The following NFATC1 variants were observed in gnomAD, a reference collection of about 807,000 sequenced individuals.
NFATC1 encodes nuclear factor of activated T-cells, cytoplasmic 1.
In NFATC1, 22 loss-of-function variants were observed where a neutral mutation model predicts 76.0. The ratio of observed to expected loss-of-function variants is 0.29; its 90% CI spans 0.21 to 0.41. The LOEUF is 0.41. NFATC1 is among the 10% of genes least tolerant of loss of function. The pLI is 1.00. For synonymous variants in NFATC1, 704 were observed against 613.1 expected (o/e 1.15, Z -2.19); for missense variants, 1,357 against 1,337.7 (o/e 1.01, Z -0.23).
intron 2 of NFATC1, among the ~76,000 whole-genome samples, chr18:79,417,485 C>G (rs1245983034): frequency 9.8e-4 from 11 of 11,216 alleles, no homozygotes; most frequent in African/African-American, 1.3e-3. Flanking sequence ...GATGGGAGAT[C>G]GGCTGTGGTG....
At chr18:79,504,080 TTC>T (rs1303524994) in intron 9 of NFATC1, among the ~76,000 whole-genome samples, 1 of 152,114 alleles carries the variant, frequency 6.6e-6, no homozygotes, top group Non-Finnish European at 1.5e-5. Flanking sequence ...CACTCGGACT[TTC>T]TCTGTATCAG....
intron 6 of NFATC1, among the ~76,000 whole-genome samples, chr18:79,456,178 G>A (rs367993690): frequency 9.2e-5 from 14 of 152,280 alleles, no homozygotes; most frequent in East Asian, 5.8e-4. Flanking sequence ...GAACTGTCAC[G>A]GAACCACCGT....
At chr18:79,527,439 G>C (rs1206385706) in intron 9 of NFATC1, 89 bp from the exon 10 acceptor site, 4 of 1,048,704 alleles carry the variant, frequency 3.8e-6, no homozygotes, top group Admixed American at 3.7e-5. Context: ...ACAGGCGTGA[G>C]CGTCACTGAT....
At chr18:79,513,196 G>A (rs561953520) in intron 9 of NFATC1, among the ~76,000 whole-genome samples, 11 of 152,344 alleles carry the variant, frequency 7.2e-5, no homozygotes, top group African/African-American at 2.4e-4. Flanking sequence ...GCTGATGCCC[G>A]CGGGTGGACT....
rs1341924275 is a variant in NFATC1, at chr18:79,486,745, T to C, written c.2590T>C (p.Cys864Arg). ...ATQEPTCLQP[C>R]SPACPPATGR... ...CCAAGAGCCGACCTGCCTGCAGCCC[T>C]GCAGCCCAGCGTGCCCGCCCGCCAC... is the stretch of plus-strand genomic sequence containing the variant. Residue 864 changes from cysteine to arginine, a missense_variant, in exon 9 of 10, where the codon TGC (cysteine) becomes CGC (arginine). Transcript: ENST00000427363. 6.2e-7 allele frequency: 1 copy of C among 1,601,912 alleles called. No individual in the cohort carries two copies. The highest frequency in any genetic ancestry group is 1.7e-5 in the Admixed American group (1 of 59,376).
chr18:79,410,876 C>A lies in NFATC1; in HGVS notation c.601C>A (p.Gln201Lys), dbSNP rs1472963163. 2 of 1,609,268 alleles carry A rather than the reference C, an allele frequency of 1.2e-6. No individual in the cohort carries two copies. The highest frequency in any genetic ancestry group is 2.7e-5 in the African/African-American group (2 of 75,016). The change falls in exon 2 of 10, where the codon CAG becomes AAG. Residue 201 changes from glutamine to lysine, a missense_variant. By Grantham distance (53) the Gln-to-Lys change is moderately conservative. This residue lies in a region of NFATC1 where 691 missense variants were observed against 613.1 expected (regional missense o/e 1.13). Coordinates refer to ENST00000427363, the MANE Select transcript of NFATC1 (RefSeq NM_001278669.2). The surrounding 1 kb of genome is among the most constrained non-coding windows in gnomAD (Gnocchi z 6.7). ...SNYSYPYASP[Q>K]TSPWQSPCVS... Reference sequence around the variant, plus strand: ...CTACTCGTACCCGTACGCGTCCCCCCAGACGTCGCCATGGCAGTCTCCCTG... The same window carrying A: ...CTACTCGTACCCGTACGCGTCCCCCAAGACGTCGCCATGGCAGTCTCCCTG...
chr18:79,474,951 G>T (rs1460217781), intron 8 of NFATC1, among the ~76,000 whole-genome samples: 1 of 126,248 alleles, frequency 7.9e-6, no homozygotes, highest in Non-Finnish European at 1.6e-5. Flanking sequence ...AGGGAAGCGT[G>T]TTCTCACGCT....
intron 9 of NFATC1, among the ~76,000 whole-genome samples, chr18:79,503,392 TA>T (rs1430369392): frequency 6.6e-6 from 1 of 152,170 alleles, no homozygotes; most frequent in Non-Finnish European, 1.5e-5. Flanking sequence ...GCAATGTGTC[TA>T]AAAAAACAGT....
At chr18:79,444,259 C>T (rs2087103456) in intron 3 of NFATC1, among the ~76,000 whole-genome samples, 1 of 152,100 alleles carries the variant, frequency 6.6e-6, no homozygotes, top group Non-Finnish European at 1.5e-5. Context: ...TGTGGCTGTG[C>T]GTGTGTGTGT....
intron 9 of NFATC1, among the ~76,000 whole-genome samples, chr18:79,508,877 T>C (rs901671073): frequency 6.6e-6 from 1 of 151,972 alleles, no homozygotes; most frequent in Non-Finnish European, 1.5e-5. Context: ...TGCCTCTCTG[T>C]CTCTCTCTCC....
intron 6 of NFATC1, among the ~76,000 whole-genome samples, chr18:79,452,451 G>A (rs570356151): frequency 2.0e-4 from 30 of 152,302 alleles, no homozygotes; most frequent in African/African-American, 3.6e-4. Flanking sequence ...TCCTGGGGCC[G>A]TCACGCCTGT....
Position 79,480,557 on chromosome 18 carries a change from C to G in NFATC1, c.2093-5691C>G, listed in dbSNP as rs151248457. Among the ~76,000 whole-genome samples the G allele has an allele frequency of 2.0e-5, 3 of 152,170 alleles. No individual in the cohort carries two copies. The East Asian group carries it at 5.8e-4, about 29-fold the overall frequency. On this transcript the variant is annotated intron_variant, in intron 8 of 9. Transcript: ENST00000427363. The stretch of plus-strand genomic sequence containing the variant: ...CCACCACCATCCTAGGTCAGGACTT[C>G]CCCAGGAAGAATCCAAGTGGCTGGA...
At chr18:79,456,057 G>T (rs1461144728) in intron 6 of NFATC1, among the ~76,000 whole-genome samples, 3 of 152,224 alleles carry the variant, frequency 2.0e-5, no homozygotes, top group African/African-American at 7.2e-5. Context: ...GACCGGTGTG[G>T]TTCCCAGGAC....
chr18:79,420,428 C>T (rs143079000), intron 2 of NFATC1, among the ~76,000 whole-genome samples: 79 of 144,226 alleles, frequency 5.5e-4, no homozygotes, highest in African/African-American at 1.8e-3. Flanking sequence ...AAGAGGGGGA[C>T]GCCTTTCCAG....
At position 79,396,282 on chromosome 18, in the gene NFATC1, G is replaced by C; in HGVS notation, c.58G>C (p.Val20Leu). Reference protein sequence around the residue: ...SKFPLGPAAAVFGRGETLGPA... With the variant: ...SKFPLGPAAALFGRGETLGPA... The stretch of plus-strand genomic sequence containing the variant: ...GTTTCCACTTGGCCCTGCGGCTGCG[G>C]TCTTCGGGAGAGGAGAAACTTTGGG... Residue 20 changes from valine (V) to leucine (L), a missense_variant, in exon 1 of 10, where the codon GTC becomes CTC. By Grantham distance (32) the Val-to-Leu change is conservative. Around this residue, in one of 3 missense-constraint regions of NFATC1, gnomAD observed 691 missense variants for 613.1 expected, o/e 1.13. Coordinates refer to ENST00000427363, the MANE Select transcript of NFATC1 (RefSeq NM_001278669.2). 1.4e-6 allele frequency: 2 copies of C among 1,462,788 alleles called. No homozygotes were observed. The highest frequency in any genetic ancestry group is 1.8e-6 in the Non-Finnish European group (2 of 1,096,730). 90.6% of individuals were successfully genotyped at this position (1,462,788 alleles called of 1,614,324 possible). A position where few individuals can be genotyped will look rare whatever the true frequency, so the allele number is the denominator to read the frequency against.
At chr18:79,515,268 C>CT (rs2090350677) in intron 9 of NFATC1, among the ~76,000 whole-genome samples, 2 of 149,760 alleles carry the variant, frequency 1.3e-5, no homozygotes. Flanking sequence ...TCGCTTGAAC[C>CT]TGGAAGGTTG....
chr18:79,436,512 C>T (rs1246142231), intron 3 of NFATC1, among the ~76,000 whole-genome samples: 4 of 150,742 alleles, frequency 2.7e-5, no homozygotes, highest in African/African-American at 7.3e-5. Context: ...CCCCCGCGCC[C>T]GGTATCCCCG....
At chr18:79,508,240 G>T (rs1045164002) in intron 9 of NFATC1, among the ~76,000 whole-genome samples, 3 of 152,032 alleles carry the variant, frequency 2.0e-5, no homozygotes, top group African/African-American at 7.3e-5. Context: ...AGGGACGGAC[G>T]GACGGAGGGC....
chr18:79,401,983 G>T (rs899958689), intron 1 of NFATC1, among the ~76,000 whole-genome samples: 3 of 152,190 alleles, frequency 2.0e-5, no homozygotes, highest in Admixed American at 1.3e-4. Flanking sequence ...AGCACAGGGG[G>T]TAGTTATCCC....
Sources: allele counts gnomAD v4.1 joint callset (sites outside exome capture counted in the v4.1 genomes callset), GRCh38; gene constraint gnomAD v4.1.1; regional missense constraint gnomAD v4.1.1; non-coding constraint Gnocchi (gnomAD v3.1); transcripts MANE v1.5; gene names NCBI Gene and HGNC (gene_info 2026-07-23, HGNC 2026-07-21).